The following DPP10 variants were observed in gnomAD, a reference collection of about 807,000 sequenced individuals.
DPP10 encodes the protein inactive dipeptidyl peptidase 10.
In DPP10, 33 loss-of-function variants were observed where a neutral mutation model predicts 120.9. That is an observed-to-expected ratio of 0.27 (90% CI 0.21 to 0.37). The LOEUF (loss-of-function observed/expected upper bound fraction) is 0.37, where lower values mean the gene tolerates loss of function less well. DPP10 is among the 10% of genes least tolerant of loss of function. DPP10 has a pLI of 1.00. For missense variants in DPP10, 816 were observed against 942.8 expected, an observed-to-expected ratio of 0.87 and a Z score of 1.76; for synonymous variants, 337 against 326.1, an observed-to-expected ratio of 1.03 and a Z score of -0.36.
At chr2:114,859,068 T>A (rs1006155674) in intron 1 of DPP10, among the ~76,000 whole-genome samples, 1 of 152,008 alleles carries the variant, frequency 6.6e-6, no homozygotes, top group Non-Finnish European at 1.5e-5. Context: ...GGCTCACGCC[T>A]GTAATCTCAG....
At chr2:114,836,627 G>T (rs544478076) in intron 1 of DPP10, among the ~76,000 whole-genome samples, 2 of 152,110 alleles carry the variant, frequency 1.3e-5, no homozygotes, top group African/African-American at 4.8e-5. Flanking sequence ...ATGAAGTTTC[G>T]GGCACCCATT....
At chr2:114,525,608 C>G (rs1276885816) in intron 1 of DPP10, among the ~76,000 whole-genome samples, 1 of 152,112 alleles carries the variant, frequency 6.6e-6, no homozygotes, top group East Asian at 1.9e-4. Context: ...GTGAAAGAGG[C>G]CTAGTTTTCA....
intron 5 of DPP10, among the ~76,000 whole-genome samples, chr2:115,560,447 C>T (rs35048202): frequency 0.022 from 1,216 of 54,308 alleles, 26 homozygotes; most frequent in Non-Finnish European, 0.027. Context: ...TATATATATA[C>T]GACAAGCTAC....
chr2:114,843,469 C>T (rs562573578), intron 1 of DPP10, among the ~76,000 whole-genome samples: 1 of 152,238 alleles, frequency 6.6e-6, no homozygotes, highest in East Asian at 1.9e-4. Context: ...TAGAAGTGGA[C>T]AGAGTATGCA....
intron 1 of DPP10, among the ~76,000 whole-genome samples, chr2:114,528,677 A>G (rs1430104): frequency 0.26 from 39,247 of 150,362 alleles, 5,753 homozygotes; most frequent in Non-Finnish European, 0.34. Flanking sequence ...ATGGTCTTGA[A>G]TATACTTCAA....
At chr2:114,795,619 T>C (rs995576747) in intron 1 of DPP10, among the ~76,000 whole-genome samples, 1 of 152,188 alleles carries the variant, frequency 6.6e-6, no homozygotes, top group African/African-American at 2.4e-5. Context: ...AGTTTTGAAC[T>C]ATGTGGGCCC....
chr2:115,783,783 G>C lies in DPP10; in HGVS notation c.1531+1384G>C, dbSNP rs567451240. On this transcript the variant is annotated intron_variant, in intron 17 of 25. Transcript: ENST00000410059. ...GAAAGAAGGTTGAATCTCATAGATA[G>C]AACTATCAGTGTATAAAATAAGTCT... is the stretch of plus-strand genomic sequence containing the variant. Among the ~76,000 whole-genome samples the C allele has an allele frequency of 4.5e-4, 69 of 152,234 alleles. No individual in the cohort carries two copies. The South Asian group carries it at 8.1e-3, about 18-fold the overall frequency.
In DPP10 at chr2:115,836,119, G is replaced by GATAT. The variant is rs34212292; in HGVS notation, c.1951-17_1951-14dup. The GATAT allele has an allele frequency of 3.9e-3, 2,816 of 730,082 alleles. 4 individuals are homozygous for GATAT. The highest frequency in any genetic ancestry group is 0.01 in the Middle Eastern group (34 of 3,294). The allele number at this position is 730,082 out of a possible 1,614,324, so 45.2% of individuals were successfully genotyped here. ...TGTGTATGTGTGTGTGTGTGTGTGA[G>GATAT]ATATATATATATATATATATATATT... is the stretch of plus-strand genomic sequence containing the variant. On this transcript the variant is annotated intron_variant, in intron 21 of 25. Transcript: ENST00000410059.
At chr2:115,074,476 T>G (rs1707627545) in intron 1 of DPP10, among the ~76,000 whole-genome samples, 1 of 152,154 alleles carries the variant, frequency 6.6e-6, no homozygotes, top group South Asian at 2.1e-4. Flanking sequence ...TTAGGGTACG[T>G]GAAGCAGGAT....
intron 5 of DPP10, among the ~76,000 whole-genome samples, chr2:115,614,176 A>G (rs1321265813): frequency 6.6e-6 from 1 of 152,188 alleles, no homozygotes; most frequent in Non-Finnish European, 1.5e-5. Flanking sequence ...GCTTTATGCA[A>G]TTATAGAATT....
intron 1 of DPP10, among the ~76,000 whole-genome samples, chr2:114,454,303 A>G (rs115734381): frequency 1.3e-5 from 2 of 152,146 alleles, no homozygotes; most frequent in Non-Finnish European, 2.9e-5. Flanking sequence ...TGCCCAAACC[A>G]TGATGCTTTT....
At chr2:114,921,082 G>C (rs955202210) in intron 1 of DPP10, among the ~76,000 whole-genome samples, 1 of 152,082 alleles carries the variant, frequency 6.6e-6, no homozygotes, top group African/African-American at 2.4e-5. Context: ...AATAAATAAA[G>C]TTCTTCACCC....
intron 1 of DPP10, among the ~76,000 whole-genome samples, chr2:114,485,985 G>A (rs540811845): frequency 1.3e-5 from 2 of 152,248 alleles, no homozygotes; most frequent in South Asian, 2.1e-4. Context: ...AGTTAAAAAG[G>A]TTGCTTGTAC....
At chr2:115,453,764 A>G (rs569745705) in intron 3 of DPP10, among the ~76,000 whole-genome samples, 1 of 151,546 alleles carries the variant, frequency 6.6e-6, no homozygotes, top group Non-Finnish European at 1.5e-5. Flanking sequence ...CAAAGCAAAC[A>G]GAAGGAAGAA....
chr2:115,517,179 C>T (rs2077549936), intron 4 of DPP10, among the ~76,000 whole-genome samples: 1 of 152,124 alleles, frequency 6.6e-6, no homozygotes, highest in South Asian at 2.1e-4. Flanking sequence ...TTTATTCAGT[C>T]ATAGTTGCAA....
At chr2:115,449,858 G>C (rs2072957170) in intron 3 of DPP10, among the ~76,000 whole-genome samples, 1 of 152,038 alleles carries the variant, frequency 6.6e-6, no homozygotes, top group East Asian at 1.9e-4. Context: ...CTGTACTATA[G>C]TTACAAATAT....
chr2:115,256,183 AC>A (rs1678242004), intron 1 of DPP10, among the ~76,000 whole-genome samples: 1 of 152,214 alleles, frequency 6.6e-6, no homozygotes. Flanking sequence ...GGAAGCAAAC[AC>A]GTCTTTCTTC....
At chr2:115,450,336 G>A (rs1255261861) in intron 3 of DPP10, among the ~76,000 whole-genome samples, 1 of 151,882 alleles carries the variant, frequency 6.6e-6, no homozygotes, top group African/African-American at 2.4e-5. Flanking sequence ...AAATTGTGAT[G>A]GTTTTATATC....
intron 3 of DPP10, among the ~76,000 whole-genome samples, chr2:115,422,887 T>C (rs2070108907): frequency 6.6e-6 from 1 of 152,134 alleles, no homozygotes; most frequent in Admixed American, 6.5e-5. Context: ...GATTTCATTT[T>C]ATCCCTCAGT....
Sources: gnomAD v4.1 joint callset for allele counts (sites outside exome capture counted in the v4.1 genomes callset) on GRCh38, gnomAD v4.1.1 for gene constraint, MANE v1.5 for transcripts, NCBI Gene and HGNC (gene_info 2026-07-23, HGNC 2026-07-21) for gene names.